Variants in AVEN observed in about 807,000 individuals in gnomAD.
AVEN encodes the protein cell death regulator Aven.
A neutral mutation model predicts 38.1 loss-of-function variants in AVEN; 41 were observed. That is an observed-to-expected ratio of 1.08 (90% CI 0.84 to 1.40). AVEN has a LOEUF of 1.40. AVEN is among the 40% of genes most tolerant of loss of function. The probability of loss-of-function intolerance (pLI) is 0.00; values close to 1 mark genes in which losing one functional copy is unlikely to be tolerated. For synonymous variants in AVEN, 206 were observed against 171.8 expected (o/e 1.20, Z -1.56); for missense variants, 605 against 438.8 (o/e 1.38, Z -3.38).
At chr15:33,930,787 C>T (rs1312125891) in intron 2 of AVEN, among the ~76,000 whole-genome samples, 2 of 151,998 alleles carry the variant, frequency 1.3e-5, no homozygotes, top group East Asian at 3.9e-4. Context: ...AACCCCATCT[C>T]TACTAAAAAT....
At chr15:33,867,923 A>C in intron 4 of AVEN, 68 bp from the exon 5 acceptor site, 2 of 1,499,948 alleles carry the variant, frequency 1.3e-6, no homozygotes, top group Non-Finnish European at 1.8e-6. Flanking sequence ...GTAAATACAT[A>C]GGAGGCTAAA....
At chr15:33,992,605 T>A (rs1896776600) in intron 2 of AVEN, among the ~76,000 whole-genome samples, 1 of 152,228 alleles carries the variant, frequency 6.6e-6, no homozygotes, top group African/African-American at 2.4e-5. Context: ...AATCTTCTTC[T>A]ACTATATTGC....
intron 2 of AVEN, among the ~76,000 whole-genome samples, chr15:33,894,829 C>CAATAAT (rs144222156): frequency 4.1e-5 from 1 of 24,100 alleles, no homozygotes; most frequent in Non-Finnish European, 5.1e-4. Flanking sequence ...AAAATAATAA[C>CAATAAT]AATAATAATA....
At chr15:34,015,332 A>C (rs1361113756) in intron 1 of AVEN, among the ~76,000 whole-genome samples, 4 of 151,894 alleles carry the variant, frequency 2.6e-5, no homozygotes, top group African/African-American at 9.7e-5. Context: ...AAATACAAAA[A>C]ATTAGCCAGG....
At chr15:33,935,526 G>GTA (rs1476700588) in intron 2 of AVEN, among the ~76,000 whole-genome samples, 13 of 151,888 alleles carry the variant, frequency 8.6e-5, no homozygotes, top group Non-Finnish European at 1.2e-4. Context: ...ATATATATGT[G>GTA]TATATATATG....
At chr15:34,036,081 C>T (rs1899109642) in intron 1 of AVEN, among the ~76,000 whole-genome samples, 1 of 151,672 alleles carries the variant, frequency 6.6e-6, no homozygotes, top group South Asian at 2.1e-4. Flanking sequence ...CAAGCGCGAG[C>T]CACCACACCC....
At chr15:34,001,421 T>C (rs1416001143) in intron 2 of AVEN, among the ~76,000 whole-genome samples, 1 of 152,210 alleles carries the variant, frequency 6.6e-6, no homozygotes, top group African/African-American at 2.4e-5. Context: ...AAATCTACTT[T>C]AGTCCACAAG....
downstream of AVEN, chr15:33,855,007 T>C (rs2079495164): frequency 1.6e-6 from 2 of 1,245,370 alleles, no homozygotes; most frequent in Non-Finnish European, 2.1e-6. Context: ...GGAAGGAATA[T>C]GTCTTGGTAT....
intron 2 of AVEN, among the ~76,000 whole-genome samples, chr15:33,940,585 A>T (rs1205564650): frequency 6.6e-6 from 1 of 152,008 alleles, no homozygotes; most frequent in African/African-American, 2.4e-5. Context: ...TCTGTTGCCC[A>T]GGCTGGAGTG....
intron 2 of AVEN, among the ~76,000 whole-genome samples, chr15:33,962,813 G>A (rs1452571619): frequency 4.0e-5 from 6 of 151,682 alleles, no homozygotes; most frequent in African/African-American, 1.5e-4. Context: ...ACAGCTACTT[G>A]GGAGGCTGAG....
At chr15:33,872,865 G>A (rs1356659323) in intron 3 of AVEN, among the ~76,000 whole-genome samples, 2 of 151,830 alleles carry the variant, frequency 1.3e-5, no homozygotes, top group Non-Finnish European at 2.9e-5. Flanking sequence ...CTAAGAGACC[G>A]ACACCCCTGT....
rs992041030 is a variant in AVEN at position 33,975,193 on chromosome 15, C to G, written c.445+27839G>C. Among the ~76,000 whole-genome samples the G allele has an allele frequency of 2.0e-5, 3 of 152,280 alleles. No homozygotes were observed. In the East Asian group the frequency reaches 5.8e-4, roughly 29 times the overall value. ...CCTCCACACGCTTCTTGGACACCTT[C>G]TAAGATATGTTTGTTGTAATTGTTC... On this transcript the variant is annotated intron_variant, in intron 2 of 5. Transcript: ENST00000306730.
chr15:34,003,119 G>C lies in AVEN; in HGVS notation c.358C>G (p.Arg120Gly), dbSNP rs879214057. 3 of 1,613,508 alleles carry C rather than the reference G, an allele frequency of 1.9e-6. No homozygotes were observed. In the South Asian group the frequency reaches 3.3e-5, roughly 18 times the overall value. Residue 120 changes from arginine (R) to glycine (G), a missense_variant, in exon 2 of 6, where the codon CGA (arginine) becomes GGA (glycine). By Grantham distance (125) the Arg-to-Gly change is moderately radical. Coordinates refer to ENST00000306730, the MANE Select transcript of AVEN (RefSeq NM_020371.3). ...ACCTCTTTTTCAATATCTTGATATC[G>C]ATCCCAGTTAGAGACAATCTTTCTT... is the stretch of plus-strand genomic sequence containing the variant. Reference protein sequence around the residue: ...SKRKIVSNWDRYQDIEKEVNN... With the variant: ...SKRKIVSNWDGYQDIEKEVNN...
chr15:33,868,769 A>G (rs570593132), intron 4 of AVEN, among the ~76,000 whole-genome samples: 4 of 146,606 alleles, frequency 2.7e-5, no homozygotes, highest in African/African-American at 1.1e-4. Context: ...CCTTTTGGGG[A>G]GAGAGTGACG....
chr15:33,956,407 G>A (rs79028650), intron 2 of AVEN, among the ~76,000 whole-genome samples: 1 of 152,202 alleles, frequency 6.6e-6, no homozygotes, highest in Non-Finnish European at 1.5e-5. Context: ...ATGTATTTCA[G>A]TGTAATTAAT....
At chr15:34,036,293 A>G (rs1156308752) in intron 1 of AVEN, among the ~76,000 whole-genome samples, 1 of 152,186 alleles carries the variant, frequency 6.6e-6, no homozygotes, top group African/African-American at 2.4e-5. Flanking sequence ...CTGGAGTATT[A>G]CATAGCTATG....
downstream of AVEN, chr15:33,865,114 T>TG: frequency 6.3e-7 from 1 of 1,591,330 alleles, no homozygotes; most frequent in Non-Finnish European, 8.6e-7. Flanking sequence ...AAGCACCCGT[T>TG]GTTCATATTA....
chr15:33,943,262 T>G (rs1894383043), intron 2 of AVEN, among the ~76,000 whole-genome samples: 1 of 152,206 alleles, frequency 6.6e-6, no homozygotes, highest in Admixed American at 6.5e-5. Flanking sequence ...CTATGGAACA[T>G]TATTCAGCCT....
At chr15:33,917,554 GTGTA>G (rs1893197710) in intron 2 of AVEN, among the ~76,000 whole-genome samples, 1 of 104,588 alleles carries the variant, frequency 9.6e-6, no homozygotes, top group African/African-American at 3.0e-5. Context: ...AATCACACAT[GTGTA>G]TGTATACACA....
Sources: allele counts gnomAD v4.1 joint callset (sites outside exome capture counted in the v4.1 genomes callset), GRCh38; gene constraint gnomAD v4.1.1; transcripts MANE v1.5; gene names NCBI Gene and HGNC (gene_info 2026-07-23, HGNC 2026-07-21).